The following SDF4 variants were observed in gnomAD, a reference collection of about 807,000 sequenced individuals.
SDF4 encodes stromal cell derived factor 4.
Under a neutral mutation model 34.2 loss-of-function variants are expected in SDF4, and 22 were observed. That is an observed-to-expected ratio of 0.64 (90% CI 0.46 to 0.92). SDF4 has a LOEUF of 0.92. SDF4 is among the 40% of genes least tolerant of loss of function. SDF4 has a pLI of 0.00. For missense variants in SDF4, 447 were observed against 499.9 expected (o/e 0.89, Z 1.01); for synonymous variants, 236 against 203.1 (o/e 1.16, Z -1.38).
At chr1:1,223,402 G>T in intron 3 of SDF4, 45 bp from the exon 4 acceptor site, 1 of 1,345,708 alleles carries the variant, frequency 7.4e-7, no homozygotes, top group South Asian at 1.3e-5. Context: ...ATACTGAGCT[G>T]AACTTCCTTC....
intron 4 of SDF4, chr1:1,220,137 GC>G (rs1649837797): frequency 1.0e-6 from 1 of 987,378 alleles, no homozygotes; most frequent in Admixed American, 6.0e-5. Context: ...CCGCCGCCGA[GC>G]CCCAGCACCA....
At chr1:1,220,609 T>C (rs1649887907) in intron 4 of SDF4, 3 of 1,288,872 alleles carry the variant, frequency 2.3e-6, no homozygotes, top group Non-Finnish European at 3.0e-6. Context: ...GAACAGCACC[T>C]CAGCATGCAT....
At position 1,228,661 on chromosome 1, in the gene SDF4, G is replaced by T. The variant is rs763595766; in HGVS notation, c.112C>A (p.Arg38=). 3.7e-6 allele frequency: 6 copies of T among 1,613,016 alleles called. No homozygotes were observed. Among genetic ancestry groups the T allele is most frequent in the Admixed American group, 1.7e-5 (1 of 60,004 alleles). ...SARPANHSST[R]ERVANREENE... is the part of the protein sequence containing the mutation. ...TCCTCCCTGTTGGCTACTCTCTCTC[G>T]AGTGGACGAGTGGTTGGCAGGCCGT... is the stretch of plus-strand genomic sequence containing the variant. Residue 38 remains arginine, a synonymous_variant, in exon 2 of 7, where the codon CGA becomes AGA. Coordinates refer to ENST00000360001, the MANE Select transcript of SDF4 (RefSeq NM_016176.6).
At chr1:1,229,843 A>T (rs778754825) in intron 1 of SDF4, among the ~76,000 whole-genome samples, 2 of 152,238 alleles carry the variant, frequency 1.3e-5, no homozygotes, top group Non-Finnish European at 2.9e-5. Context: ...CCCTAAGTGC[A>T]GAGGGCGTCA....
At position 1,217,920 on chromosome 1, in the gene SDF4, G is replaced by T; in HGVS notation, c.892-232C>A. ...GGTAACGGGGCACAGGGGCTACACAGGCCTGGACCCCAGTTCTGAAGGATC... is the reference window on the plus strand; with the variant it reads ...GGTAACGGGGCACAGGGGCTACACATGCCTGGACCCCAGTTCTGAAGGATC... On this transcript the variant is annotated intron_variant, in intron 6 of 6. Transcript: ENST00000360001. The surrounding 1 kb of genome is among the most constrained non-coding windows in gnomAD (Gnocchi z 8.5). 1.7e-6 allele frequency: 2 copies of T among 1,166,680 alleles called. No individual in the cohort carries two copies. The highest frequency in any genetic ancestry group is 2.3e-6 in the Non-Finnish European group (2 of 860,170). The allele number at this position is 1,166,680 out of a possible 1,614,324, so 72.3% of individuals were successfully genotyped here. A position where few individuals can be genotyped will look rare whatever the true frequency, so the allele number is the denominator to read the frequency against.
intron 4 of SDF4, chr1:1,221,092 T>C (rs1649925254): frequency 7.3e-6 from 2 of 275,788 alleles, no homozygotes; most frequent in South Asian, 3.6e-5. Flanking sequence ...CTCTTACTTT[T>C]AGTTTTTTTA....
chr1:1,219,946 G>A lies in SDF4; in HGVS notation c.557-1019C>T, dbSNP rs149135698. On this transcript the variant is annotated intron_variant, in intron 4 of 6. Coordinates refer to ENST00000360001, the MANE Select transcript of SDF4 (RefSeq NM_016176.6). The stretch of plus-strand genomic sequence containing the variant: ...CTGAACAACCTCCATCTACACGACC[G>A]GTTCACTTAAAGGAAGACAGGAGTG... 3.1e-3 allele frequency: 3,085 copies of A among 985,648 alleles called. 9 individuals are homozygous for A. Among genetic ancestry groups the A allele is most frequent in the Middle Eastern group, 4.7e-3 (9 of 1,914 alleles). The allele number at this position is 985,648 out of a possible 1,614,324, so 61.1% of individuals were successfully genotyped here. A position where few individuals can be genotyped will look rare whatever the true frequency, so the allele number is the denominator to read the frequency against.
chr1:1,228,993 TC>T (rs1477186120), intron 1 of SDF4, 47 bp from the exon 2 acceptor site: 28 of 583,018 alleles, frequency 4.8e-5, no homozygotes, highest in Non-Finnish European at 8.2e-5. Context: ...AGCAAAGACT[TC>T]CCCAAGCACG....
chr1:1,219,883 C>A lies in SDF4; in HGVS notation c.557-956G>T, dbSNP rs184446944. The A allele has an allele frequency of 1.7e-4, 163 of 985,752 alleles. No homozygotes were observed. In the Middle Eastern group the frequency reaches 2.6e-3, roughly 16 times the overall value. 61.1% of individuals were successfully genotyped at this position (985,752 alleles called of 1,614,324 possible). A position where few individuals can be genotyped will look rare whatever the true frequency, so the allele number is the denominator to read the frequency against. The stretch of plus-strand genomic sequence containing the variant: ...GGCAGCCTCTGCGTCGCGCTCACTG[C>A]GGGATGAGGCCCAGCTGCCGTCCCA... On this transcript the variant is annotated intron_variant, in intron 4 of 6. Coordinates refer to ENST00000360001, the MANE Select transcript of SDF4 (RefSeq NM_016176.6).
In SDF4 at chr1:1,220,290, A is replaced by C. The variant is rs945607838; in HGVS notation, c.557-1363T>G. On this transcript the variant is annotated intron_variant, in intron 4 of 6. Coordinates refer to ENST00000360001, the MANE Select transcript of SDF4 (RefSeq NM_016176.6). ...CCCTGTGAGAAGAGGACGCAGACCC[A>C]GAGAGAGGCAGCGATGGAGGCGGGG... The C allele has an allele frequency of 4.6e-6, 5 of 1,091,782 alleles. No individual in the cohort carries two copies. The African/African-American group carries it at 8.2e-5, about 18-fold the overall frequency. 67.6% of individuals were successfully genotyped at this position (1,091,782 alleles called of 1,614,324 possible).
rs1212958570 is a variant in SDF4 at position 1,228,696 on chromosome 1, T to C, written c.77A>G (p.Asp26Gly). 2 of 1,612,726 alleles carry C rather than the reference T, an allele frequency of 1.2e-6. No homozygotes were observed. The highest frequency in any genetic ancestry group is 1.7e-6 in the Non-Finnish European group (2 of 1,179,994). Reference protein sequence around the residue: ...LWLLGAVLLMDASARPANHSS... With the variant: ...LWLLGAVLLMGASARPANHSS... The stretch of plus-strand genomic sequence containing the variant: ...GTGGTTGGCAGGCCGTGCAGACGCG[T>C]CCATCAGAAGGACTGCCCCCAGGAG... The change falls in exon 2 of 7, where the codon GAC (aspartate) becomes GGC (glycine). Residue 26 changes from aspartate (D) to glycine (G), a missense_variant. Physicochemically the swap from Asp to Gly is moderately conservative, Grantham distance 94 (BLOSUM62 -1). Transcript: ENST00000360001.
chr1:1,219,137 A>G, intron 4 of SDF4: 1 of 1,460,010 alleles, frequency 6.8e-7, no homozygotes, highest in Non-Finnish European at 9.1e-7. Context: ...AGCCTCCCAC[A>G]GGCCTGATCC....
chr1:1,228,693 G>T lies in SDF4; in HGVS notation c.80C>A (p.Ala27Glu). 1 of 1,612,944 alleles carries T rather than the reference G, an allele frequency of 6.2e-7. No individual in the cohort carries two copies. Among genetic ancestry groups the T allele is most frequent in the South Asian group, 1.1e-5 (1 of 91,078 alleles). The change falls in exon 2 of 7, where the codon GCG (alanine) becomes GAG (glutamate). Residue 27 changes from alanine to glutamate, a missense_variant. By Grantham distance (107) the Ala-to-Glu change is moderately radical. Coordinates refer to ENST00000360001, the MANE Select transcript of SDF4 (RefSeq NM_016176.6). ...CGAGTGGTTGGCAGGCCGTGCAGACGCGTCCATCAGAAGGACTGCCCCCAG... is the reference window on the plus strand; with the variant it reads ...CGAGTGGTTGGCAGGCCGTGCAGACTCGTCCATCAGAAGGACTGCCCCCAG... ...WLLGAVLLMD[A>E]SARPANHSST...
chr1:1,220,342 C>T, intron 4 of SDF4: 1 of 1,106,506 alleles, frequency 9.0e-7, no homozygotes, highest in Non-Finnish European at 1.1e-6. Flanking sequence ...GCCTGCCACG[C>T]CTTCACCGCG....
At chr1:1,220,415 C>T (rs1649869930) in intron 4 of SDF4, 1 of 1,176,412 alleles carries the variant, frequency 8.5e-7, no homozygotes, top group Non-Finnish European at 1.1e-6. Flanking sequence ...GTGACCCTCG[C>T]AGGAGCCATG....
rs375658898 is a variant in SDF4, at chr1:1,217,623, G to T, written c.957C>A (p.Ala319=). The change falls in exon 7 of 7, where the codon GCC becomes GCA. Residue 319 remains alanine, a synonymous_variant. Transcript: ENST00000360001. The surrounding 1 kb of genome is among the most constrained non-coding windows in gnomAD (Gnocchi z 8.5). ...LNEAKQMIAV[A]DENQNHHLEP... ...CCAGGTGGTGGTTCTGGTTCTCGTC[G>T]GCGACGGCGATCATCTGCTTGGCCT... is the stretch of plus-strand genomic sequence containing the variant. The T allele has an allele frequency of 6.2e-7, 1 of 1,613,770 alleles. No individual in the cohort carries two copies.
intron 2 of SDF4, among the ~76,000 whole-genome samples, chr1:1,226,849 G>A (rs984194411): frequency 1.5e-4 from 23 of 152,178 alleles, no homozygotes; most frequent in Admixed American, 1.1e-3. Flanking sequence ...CCCCAGCACC[G>A]GCTGAGCAGG....
At chr1:1,224,046 C>T (rs1650146553) in intron 2 of SDF4, 78 bp from the exon 3 acceptor site, 1 of 1,583,382 alleles carries the variant, frequency 6.3e-7, no homozygotes, top group Non-Finnish European at 8.6e-7. Flanking sequence ...TGCCGCCGGC[C>T]CAGGACTCCA....
At chr1:1,229,924 A>G (rs958068866) in intron 1 of SDF4, among the ~76,000 whole-genome samples, 11 of 150,704 alleles carry the variant, frequency 7.3e-5, no homozygotes, top group African/African-American at 2.7e-4. Flanking sequence ...ACACTCACGC[A>G]TGCACGTATT....
Sources: gnomAD v4.1 joint callset for allele counts (sites outside exome capture counted in the v4.1 genomes callset) on GRCh38, gnomAD v4.1.1 for gene constraint, Gnocchi (gnomAD v3.1) non-coding constraint, MANE v1.5 for transcripts, NCBI Gene and HGNC (gene_info 2026-07-23, HGNC 2026-07-21) for gene names.